NCKAP5: variants seen among roughly 807,000 people sequenced by gnomAD.
NCKAP5 encodes the protein nck-associated protein 5.
Under a neutral mutation model 167.0 loss-of-function variants are expected in NCKAP5, and 92 were observed. The observed-to-expected ratio is 0.55, with a 90% CI of 0.47 to 0.66. The LOEUF (loss-of-function observed/expected upper bound fraction) is 0.66, where lower values mean the gene tolerates loss of function less well. NCKAP5 is among the 30% of genes least tolerant of loss of function. The pLI, the probability that NCKAP5 is intolerant of heterozygous loss-of-function variation, is 0.00. For synonymous variants in NCKAP5, 891 were observed against 877.4 expected, an observed-to-expected ratio of 1.02 and a Z score of -0.27; for missense variants, 2,378 against 2,315.0, an observed-to-expected ratio of 1.03 and a Z score of -0.56.
chr2:133,336,237 G>A (rs1683199502), intron 3 of NCKAP5, among the ~76,000 whole-genome samples: 1 of 151,952 alleles, frequency 6.6e-6, no homozygotes, highest in African/African-American at 2.4e-5. Context: ...TGTTCCTTAT[G>A]GTTATCTGGC....
chr2:133,577,624 G>A, the NCKAP5 span, among the ~76,000 whole-genome samples: 2 of 151,832 alleles, frequency 1.3e-5, no homozygotes, highest in Non-Finnish European at 2.9e-5. Context: ...CCATTAACTC[G>A]TCATTTAGCA....
At chr2:133,558,814 G>A (rs1038753233) in intron 2 of NCKAP5, among the ~76,000 whole-genome samples, 3 of 149,694 alleles carry the variant, frequency 2.0e-5, no homozygotes, top group Non-Finnish European at 4.4e-5. Flanking sequence ...TTTTGGAGTG[G>A]CAAATACTCA....
At chr2:133,519,811 A>G (rs7569514) in intron 2 of NCKAP5, among the ~76,000 whole-genome samples, 18,052 of 152,166 alleles carry the variant, frequency 0.12, 1,429 homozygotes, top group Non-Finnish European at 0.17. Context: ...TATTTTAGTG[A>G]GGCATATAGA....
At chr2:133,438,808 T>C (rs1216989550) in intron 3 of NCKAP5, among the ~76,000 whole-genome samples, 8 of 152,224 alleles carry the variant, frequency 5.3e-5, no homozygotes, top group Admixed American at 5.2e-4. Context: ...GATTAGATTA[T>C]ATTTTGTTCT....
chr2:132,775,838 T>C (rs919534), intron 15 of NCKAP5, among the ~76,000 whole-genome samples: 14,552 of 152,214 alleles, frequency 0.096, 1,561 homozygotes, highest in African/African-American at 0.25. Context: ...ATATGTCCCA[T>C]ATTTCTTGCA....
chr2:132,678,094 T>C (rs1684733849), intron 19 of NCKAP5, among the ~76,000 whole-genome samples: 1 of 152,128 alleles, frequency 6.6e-6, no homozygotes, highest in Admixed American at 6.6e-5. Context: ...GGAGGAGATA[T>C]GGACCCTTGC....
chr2:132,829,023 G>A (rs1274528785), intron 11 of NCKAP5, among the ~76,000 whole-genome samples: 1 of 152,126 alleles, frequency 6.6e-6, no homozygotes, highest in African/African-American at 2.4e-5. Flanking sequence ...ATGGGGATGG[G>A]AGACTGACAT....
chr2:133,309,205 T>G (rs1027782904), intron 3 of NCKAP5, among the ~76,000 whole-genome samples: 24 of 152,166 alleles, frequency 1.6e-4, no homozygotes, highest in African/African-American at 5.8e-4. Flanking sequence ...CTGTAAATTT[T>G]TTCTTTGTCT....
chr2:133,481,935 T>C (rs1361845898), intron 3 of NCKAP5, among the ~76,000 whole-genome samples: 1 of 152,194 alleles, frequency 6.6e-6, no homozygotes, highest in Non-Finnish European at 1.5e-5. Context: ...ACCTTCAATC[T>C]TACTATATAT....
chr2:132,856,447 T>G (rs1161512080), intron 11 of NCKAP5, among the ~76,000 whole-genome samples: 1 of 152,094 alleles, frequency 6.6e-6, no homozygotes, highest in Non-Finnish European at 1.5e-5. Flanking sequence ...TAACAGCAAA[T>G]TTTTGCACCT....
chr2:133,435,905 T>C (rs1690445610), intron 3 of NCKAP5, among the ~76,000 whole-genome samples: 1 of 152,208 alleles, frequency 6.6e-6, no homozygotes, highest in African/African-American at 2.4e-5. Context: ...TGGCTGACCT[T>C]GAGTCACCTC....
At chr2:133,472,567 C>A (rs1273263273) in intron 3 of NCKAP5, among the ~76,000 whole-genome samples, 1 of 152,092 alleles carries the variant, frequency 6.6e-6, no homozygotes, top group Non-Finnish European at 1.5e-5. Context: ...CCACACGTCT[C>A]TTCGGCCCTT....
chr2:132,948,191 C>T (rs987045923), intron 8 of NCKAP5, among the ~76,000 whole-genome samples: 2 of 152,132 alleles, frequency 1.3e-5, no homozygotes, highest in African/African-American at 4.8e-5. Context: ...TCGATGTACC[C>T]TTTCTCTGTA....
chr2:132,788,455 T>C (rs1683776488), intron 13 of NCKAP5, among the ~76,000 whole-genome samples: 1 of 152,224 alleles, frequency 6.6e-6, no homozygotes, highest in Admixed American at 6.5e-5. Flanking sequence ...ATGTGGGTTC[T>C]GGAGCCTTCT....
the NCKAP5 span, among the ~76,000 whole-genome samples, chr2:133,586,909 A>G: frequency 1.3e-5 from 2 of 152,184 alleles, no homozygotes; most frequent in East Asian, 3.8e-4. Flanking sequence ...ATTTGGATCT[A>G]CAGTTCTTGA....
the NCKAP5 span, among the ~76,000 whole-genome samples, chr2:133,671,481 T>A: frequency 6.6e-6 from 1 of 152,058 alleles, no homozygotes; most frequent in Non-Finnish European, 1.5e-5. Flanking sequence ...GTTAATTGGT[T>A]AATGGATTAA....
chr2:132,756,225 G>GATA (rs1680542769), intron 16 of NCKAP5, among the ~76,000 whole-genome samples: 1 of 152,180 alleles, frequency 6.6e-6, no homozygotes. Flanking sequence ...GAAATAGCTG[G>GATA]ATAAGCTTTG....
chr2:133,017,713 C>T (rs1444690335), intron 6 of NCKAP5, among the ~76,000 whole-genome samples: 3 of 151,084 alleles, frequency 2.0e-5, no homozygotes, highest in African/African-American at 7.3e-5. Context: ...TTCTGTAAGG[C>T]AAGTTCTTCC....
chr2:133,380,140 G>A (rs1446227517), intron 3 of NCKAP5, among the ~76,000 whole-genome samples: 1 of 152,064 alleles, frequency 6.6e-6, no homozygotes, highest in Non-Finnish European at 1.5e-5. Flanking sequence ...GTATATTTAT[G>A]TGCAGACAGA....
Sources: allele counts gnomAD v4.1 joint callset (sites outside exome capture counted in the v4.1 genomes callset), GRCh38; gene constraint gnomAD v4.1.1; transcripts MANE v1.5; gene names NCBI Gene and HGNC (gene_info 2026-07-23, HGNC 2026-07-21).